HAAO: variants seen among roughly 807,000 people sequenced by gnomAD.
The protein encoded by HAAO is 3-hydroxyanthranilate 3,4-dioxygenase.
Under a neutral mutation model 46.2 loss-of-function variants are expected in HAAO, and 49 were observed. That is an observed-to-expected ratio of 1.06 (90% CI 0.84 to 1.34). The LOEUF (loss-of-function observed/expected upper bound fraction) is 1.34, where lower values mean the gene tolerates loss of function less well. HAAO is among the 40% of genes most tolerant of loss of function. HAAO has a pLI of 0.00. For synonymous variants in HAAO, 157 were observed against 145.2 expected (o/e 1.08, Z -0.58); for missense variants, 408 against 364.5 (o/e 1.12, Z -0.97).
chr2:42,776,920 C>G (rs372737670), intron 4 of HAAO, among the ~76,000 whole-genome samples: 3 of 151,948 alleles, frequency 2.0e-5, no homozygotes, highest in African/African-American at 7.3e-5. Flanking sequence ...GCCTGAGCCA[C>G]CGTGTCCGGC....
chr2:42,786,450 C>T (rs1672389638), intron 2 of HAAO, among the ~76,000 whole-genome samples: 2 of 152,166 alleles, frequency 1.3e-5, no homozygotes, highest in South Asian at 4.1e-4. Context: ...GCCTTTCAGG[C>T]AGTCCAGGCA....
At chr2:42,782,959 C>T (rs140705707) in intron 4 of HAAO, 22 of 438,898 alleles carry the variant, frequency 5.0e-5, no homozygotes, top group Middle Eastern at 6.7e-4. Flanking sequence ...GGCTGTGTCA[C>T]GGGCACACGT....
chr2:42,784,574 TC>T (rs1399736582), intron 2 of HAAO, among the ~76,000 whole-genome samples: 2 of 150,204 alleles, frequency 1.3e-5, no homozygotes, highest in African/African-American at 4.9e-5. Context: ...TCCGATTCCA[TC>T]CTAAGTCCCT....
intron 2 of HAAO, among the ~76,000 whole-genome samples, chr2:42,785,590 G>A (rs1201454795): frequency 6.6e-6 from 1 of 152,186 alleles, no homozygotes; most frequent in Non-Finnish European, 1.5e-5. Context: ...CCCATAGGCC[G>A]GATGTGGAGG....
At chr2:42,782,334 C>T (rs1016424689) in intron 4 of HAAO, among the ~76,000 whole-genome samples, 5 of 152,134 alleles carry the variant, frequency 3.3e-5, no homozygotes, top group East Asian at 1.9e-4. Flanking sequence ...ATCGATTTTC[C>T]AGGATTGCTC....
intron 4 of HAAO, among the ~76,000 whole-genome samples, chr2:42,771,376 A>G (rs12467275): frequency 0.41 from 61,804 of 151,218 alleles, 13,284 homozygotes; most frequent in African/African-American, 0.51. Flanking sequence ...GCAGTGAGCC[A>G]AGATTGCACC....
intron 4 of HAAO, among the ~76,000 whole-genome samples, chr2:42,775,019 T>A (rs1671435811): frequency 6.6e-6 from 1 of 151,932 alleles, no homozygotes; most frequent in East Asian, 1.9e-4. Flanking sequence ...GAGGCCGAGG[T>A]GGGCAGATCA....
At chr2:42,776,350 C>T (rs1558665116) in intron 4 of HAAO, among the ~76,000 whole-genome samples, 2 of 150,344 alleles carry the variant, frequency 1.3e-5, no homozygotes, top group Non-Finnish European at 2.9e-5. Context: ...AGAGATTCTC[C>T]TGCTCAGCTT....
Position 42,769,858 on chromosome 2 carries a change from T to C in HAAO, c.485A>G (p.Asp162Gly). The C allele has an allele frequency of 6.2e-7, 1 of 1,608,160 alleles. No individual in the cohort carries two copies. Among genetic ancestry groups the C allele is most frequent in the South Asian group, 1.1e-5 (1 of 89,966 alleles). The change falls in exon 7 of 10, where the codon GAC becomes GGC. Residue 162 changes from aspartate to glycine, a missense_variant and splice_region_variant. By Grantham distance (94) the Asp-to-Gly change is moderately conservative. Coordinates refer to ENST00000294973, the MANE Select transcript of HAAO (RefSeq NM_012205.3). ...GAATGGTGGCTCCTTGAGCAGCTGG[T>C]CTGCACCCACAGCATGACTATAGTC... ...EQYRTGKPIP[D>G]QLLKEPPFPL...
At position 42,792,569 on chromosome 2, in the gene HAAO, C is replaced by A; in HGVS notation, c.-33G>T. On this transcript the variant is annotated 5_prime_UTR_variant, in exon 1 of 10. It adds an upstream start codon to the 5' untranslated region. Transcript: ENST00000294973. ...CCGGGCGCCTCCTCGCAGCGCTGTCCTCCCGCCGTCGGAGGCCCGCAGCTC... is the reference window on the plus strand; with the variant it reads ...CCGGGCGCCTCCTCGCAGCGCTGTCATCCCGCCGTCGGAGGCCCGCAGCTC... 1 of 1,481,088 alleles carries A rather than the reference C, an allele frequency of 6.8e-7. No homozygotes were observed. Among genetic ancestry groups the A allele is most frequent in the Non-Finnish European group, 9.0e-7 (1 of 1,108,944 alleles). The allele number at this position is 1,481,088 out of a possible 1,614,324, so 91.7% of individuals were successfully genotyped here.
At position 42,792,546 on chromosome 2, in the gene HAAO, G is replaced by C. The variant is rs1309404437; in HGVS notation, c.-10C>G. On this transcript the variant is annotated 5_prime_UTR_variant, in exon 1 of 10. Coordinates refer to ENST00000294973, the MANE Select transcript of HAAO (RefSeq NM_012205.3). ...CCAGGCGGCGCTCCATGACTGTCCC[G>C]GGCGCCTCCTCGCAGCGCTGTCCTC... The C allele has an allele frequency of 3.2e-6, 5 of 1,549,154 alleles. No individual in the cohort carries two copies. Among genetic ancestry groups the C allele is most frequent in the Non-Finnish European group, 4.3e-6 (5 of 1,150,494 alleles).
At chr2:42,776,462 T>A (rs1671583903) in intron 4 of HAAO, among the ~76,000 whole-genome samples, 1 of 151,914 alleles carries the variant, frequency 6.6e-6, no homozygotes, top group Admixed American at 6.6e-5. Context: ...GGTCTCAAAC[T>A]CCTGACCTCA....
chr2:42,792,187 G>A (rs1033980884), intron 1 of HAAO, among the ~76,000 whole-genome samples: 2 of 152,146 alleles, frequency 1.3e-5, no homozygotes, highest in African/African-American at 4.8e-5. Flanking sequence ...AGCCCTGGAA[G>A]GAGAGGTGCA....
chr2:42,781,800 G>C (rs1434469715), intron 4 of HAAO, among the ~76,000 whole-genome samples: 1 of 152,152 alleles, frequency 6.6e-6, no homozygotes, highest in Non-Finnish European at 1.5e-5. Context: ...CTTGAACCCA[G>C]GGGGCGGAGG....
At chr2:42,773,882 G>A (rs576684106) in intron 4 of HAAO, among the ~76,000 whole-genome samples, 1 of 152,250 alleles carries the variant, frequency 6.6e-6, no homozygotes, top group South Asian at 2.1e-4. Flanking sequence ...GTGCCACTGC[G>A]CCCGGCTACC....
At chr2:42,788,426 C>G in intron 2 of HAAO, 103 bp downstream of exon 2, 1 of 792,048 alleles carries the variant, frequency 1.3e-6, no homozygotes, top group Middle Eastern at 2.3e-4. Flanking sequence ...GTCCACCCCT[C>G]TCCAGTCCAT....
chr2:42,787,999 C>G (rs1220013528), intron 2 of HAAO, among the ~76,000 whole-genome samples: 1 of 152,092 alleles, frequency 6.6e-6, no homozygotes, highest in Non-Finnish European at 1.5e-5. Flanking sequence ...AAGGGCCACC[C>G]TGCCCCAACT....
At chr2:42,778,482 AC>A (rs1247580606) in intron 4 of HAAO, among the ~76,000 whole-genome samples, 1 of 152,120 alleles carries the variant, frequency 6.6e-6, no homozygotes, top group Non-Finnish European at 1.5e-5. Context: ...GGTGCCTGTC[AC>A]CATGCCCAGC....
Position 42,786,952 on chromosome 2 carries a change from C to T in HAAO, c.159+1577G>A, listed in dbSNP as rs139661083. Among the ~76,000 whole-genome samples, 4 of 152,274 alleles carry T rather than the reference C, an allele frequency of 2.6e-5. No homozygotes were observed. The East Asian group carries it at 7.7e-4, about 29-fold the overall frequency. ...CAGCGCATCCTGGAGTCTCCCCAGG[C>T]TCCAGCTGGGTGAGGATAGGCAGGG... is the stretch of plus-strand genomic sequence containing the variant. On this transcript the variant is annotated intron_variant, in intron 2 of 9. Coordinates refer to ENST00000294973, the MANE Select transcript of HAAO (RefSeq NM_012205.3).
Sources: allele counts gnomAD v4.1 joint callset (sites outside exome capture counted in the v4.1 genomes callset), GRCh38; gene constraint gnomAD v4.1.1; transcripts MANE v1.5; gene names NCBI Gene and HGNC (gene_info 2026-07-23, HGNC 2026-07-21).